SLX4IP: variants seen among roughly 807,000 people sequenced by gnomAD.
The protein encoded by SLX4IP is protein SLX4IP.
In SLX4IP, 34 loss-of-function variants were observed where a neutral mutation model predicts 32.9. The observed-to-expected ratio is 1.03, with a 90% CI of 0.79 to 1.38. The LOEUF (loss-of-function observed/expected upper bound fraction) is 1.38, where lower values mean the gene tolerates loss of function less well. Among genes scored for constraint, SLX4IP ranks in the 40% most tolerant of loss-of-function variants. The pLI is 0.00. For missense variants in SLX4IP, 444 were observed against 479.0 expected (o/e 0.93, Z 0.68); for synonymous variants, 172 against 171.7 (o/e 1.00, Z -0.01).
intron 2 of SLX4IP, among the ~76,000 whole-genome samples, chr20:10,481,157 A>C (rs1389583825): frequency 6.6e-6 from 1 of 152,142 alleles, no homozygotes; most frequent in Non-Finnish European, 1.5e-5. Flanking sequence ...TTTTTTAAAA[A>C]AGGTTTGTAT....
At chr20:10,541,358 A>G (rs527864430) in intron 2 of SLX4IP, among the ~76,000 whole-genome samples, 72 of 152,164 alleles carry the variant, frequency 4.7e-4, no homozygotes, top group Non-Finnish European at 7.8e-4. Context: ...ACTTCCTATT[A>G]TGAGGTTCCC....
intron 2 of SLX4IP, among the ~76,000 whole-genome samples, chr20:10,512,775 A>ACTCTCT (rs1295820990): frequency 8.0e-5 from 2 of 24,896 alleles, no homozygotes; most frequent in African/African-American, 2.1e-4. Flanking sequence ...ACACACACAC[A>ACTCTCT]CTCTATATAT....
chr20:10,522,153 T>A (rs1000876162), intron 2 of SLX4IP, among the ~76,000 whole-genome samples: 1 of 152,234 alleles, frequency 6.6e-6, no homozygotes, highest in Non-Finnish European at 1.5e-5. Context: ...TAATTATTAG[T>A]AAGATATAAC....
At chr20:10,449,462 C>T (rs1445024341) in intron 1 of SLX4IP, among the ~76,000 whole-genome samples, 1 of 152,140 alleles carries the variant, frequency 6.6e-6, no homozygotes, top group African/African-American at 2.4e-5. Context: ...CCTGACAGCC[C>T]AATTAGTCAC....
intron 2 of SLX4IP, 65 bp from the exon 3 acceptor site, chr20:10,556,166 T>G (rs986709423): frequency 6.8e-7 from 1 of 1,461,386 alleles, no homozygotes; most frequent in African/African-American, 1.4e-5. Context: ...ATTTGTGAGA[T>G]TTTCTCTCAT....
intron 2 of SLX4IP, among the ~76,000 whole-genome samples, chr20:10,499,397 T>C (rs1477114057): frequency 6.6e-6 from 1 of 152,222 alleles, no homozygotes; most frequent in East Asian, 1.9e-4. Flanking sequence ...CTTTGTAACA[T>C]GTAATATACC....
intron 2 of SLX4IP, among the ~76,000 whole-genome samples, chr20:10,520,613 T>TA (rs1483382876): frequency 6.6e-6 from 1 of 152,210 alleles, no homozygotes; most frequent in Non-Finnish European, 1.5e-5. Flanking sequence ...AGTTCACACT[T>TA]ATGTTTTCTT....
intron 4 of SLX4IP, among the ~76,000 whole-genome samples, chr20:10,584,023 A>C (rs2066616479): frequency 6.6e-6 from 1 of 152,170 alleles, no homozygotes; most frequent in Non-Finnish European, 1.5e-5. Flanking sequence ...GTTATTGCAT[A>C]CCTATCATCA....
chr20:10,545,090 T>TGGTTGCTGGTACTCTGGGAACC (rs2066149041), intron 2 of SLX4IP, among the ~76,000 whole-genome samples: 1 of 152,112 alleles, frequency 6.6e-6, no homozygotes, highest in Non-Finnish European at 1.5e-5. Context: ...GGAGATGCTG[T>TGGTTGCTGGTACTCTGGGAACC]GGCTGCTGGT....
intron 2 of SLX4IP, among the ~76,000 whole-genome samples, chr20:10,551,380 G>A (rs867873253): frequency 2.6e-5 from 4 of 152,202 alleles, no homozygotes. Context: ...GCACTGGGCC[G>A]AATAGTAACG....
chr20:10,512,270 A>G (rs1190136051), intron 2 of SLX4IP, among the ~76,000 whole-genome samples: 2 of 152,252 alleles, frequency 1.3e-5, no homozygotes, highest in Admixed American at 6.5e-5. Context: ...GTTTTTCTTG[A>G]TAATGAGAAA....
intron 4 of SLX4IP, among the ~76,000 whole-genome samples, chr20:10,561,052 G>T (rs1455803747): frequency 6.6e-6 from 1 of 152,130 alleles, no homozygotes; most frequent in Non-Finnish European, 1.5e-5. Context: ...TAAGGAAACT[G>T]TAAATTGTTT....
intron 2 of SLX4IP, among the ~76,000 whole-genome samples, chr20:10,523,215 A>T (rs1366685253): frequency 2.0e-5 from 3 of 152,168 alleles, no homozygotes; most frequent in African/African-American, 7.2e-5. Context: ...CCTGAAAGGG[A>T]TGCTATACCA....
chr20:10,581,297 TTGGCTTCATACAGAACCTTACAGG>T, intron 4 of SLX4IP, among the ~76,000 whole-genome samples: 1 of 152,012 alleles, frequency 6.6e-6, no homozygotes, highest in East Asian at 1.9e-4. Flanking sequence ...GTAGTGATAT[TTGGCTTCATACAGAACCTTACAGG>T]TGGCTTCATA....
At chr20:10,589,720 T>A (rs920589221) in intron 4 of SLX4IP, among the ~76,000 whole-genome samples, 2 of 152,192 alleles carry the variant, frequency 1.3e-5, no homozygotes, top group Non-Finnish European at 2.9e-5. Context: ...AAAATCACGT[T>A]ATAAAACAAC....
intron 2 of SLX4IP, among the ~76,000 whole-genome samples, chr20:10,505,286 A>T (rs1318422569): frequency 6.6e-6 from 1 of 152,256 alleles, no homozygotes; most frequent in Non-Finnish European, 1.5e-5. Context: ...GTCTTCAGTT[A>T]GTCAGATGTA....
At chr20:10,543,208 G>A (rs192995165) in intron 2 of SLX4IP, among the ~76,000 whole-genome samples, 1 of 152,334 alleles carries the variant, frequency 6.6e-6, no homozygotes, top group African/African-American at 2.4e-5. Context: ...TAGATTGGAT[G>A]TGTAATATGG....
At chr20:10,485,960 C>T (rs2065569175) in intron 2 of SLX4IP, among the ~76,000 whole-genome samples, 1 of 151,938 alleles carries the variant, frequency 6.6e-6, no homozygotes, top group South Asian at 2.1e-4. Context: ...CTTGCTGTCT[C>T]AGGGGTGGTG....
intron 4 of SLX4IP, among the ~76,000 whole-genome samples, chr20:10,589,877 C>T (rs2066686463): frequency 6.6e-6 from 1 of 151,448 alleles, no homozygotes. Flanking sequence ...TCTCTTTACA[C>T]CTTTTTTTGT....
Sources: gnomAD v4.1 joint callset for allele counts (sites outside exome capture counted in the v4.1 genomes callset) on GRCh38, gnomAD v4.1.1 for gene constraint, MANE v1.5 for transcripts, NCBI Gene and HGNC (gene_info 2026-07-23, HGNC 2026-07-21) for gene names.